The following TNS1 variants were observed in gnomAD, a reference collection of about 807,000 sequenced individuals.
The protein encoded by TNS1 is tensin 1, also known as tensin-1.
Under a neutral mutation model 168.6 loss-of-function variants are expected in TNS1, and 62 were observed. That is an observed-to-expected ratio of 0.37 (90% CI 0.30 to 0.45). The LOEUF is 0.45. Among genes scored for constraint, TNS1 ranks in the 20% least tolerant of loss-of-function variants. The pLI, the probability that TNS1 is intolerant of heterozygous loss-of-function variation, is 1.00. For missense variants in TNS1, 2,240 were observed against 2,339.4 expected (o/e 0.96, Z 0.88); for synonymous variants, 934 against 933.2 (o/e 1.00, Z -0.02).
At chr2:217,846,941 G>T (rs1251104079) in intron 19 of TNS1, among the ~76,000 whole-genome samples, 1 of 152,240 alleles carries the variant, frequency 6.6e-6, no homozygotes, top group East Asian at 1.9e-4. Context: ...AAGGGCTTGA[G>T]GATACCCTCT....
intron 1 of TNS1, among the ~76,000 whole-genome samples, chr2:218,008,703 G>A (rs1028420300): frequency 2.0e-5 from 3 of 152,222 alleles, no homozygotes; most frequent in African/African-American, 4.8e-5. Flanking sequence ...GAAGCTCAGA[G>A]GTAGCACCTG....
At chr2:217,817,555 C>G in intron 24 of TNS1, 135 bp downstream of exon 24, 1 of 715,054 alleles carries the variant, frequency 1.4e-6, no homozygotes, top group Non-Finnish European at 2.3e-6. Flanking sequence ...GATAAAGAAA[C>G]TAAGTCCCAG....
intron 3 of TNS1, among the ~76,000 whole-genome samples, chr2:217,952,984 A>G (rs893344556): frequency 2.0e-5 from 3 of 152,236 alleles, no homozygotes; most frequent in East Asian, 1.9e-4. Context: ...GAGGAGCTCA[A>G]TGACGTCAAC....
chr2:217,923,461 TC>T (rs1265158854), intron 3 of TNS1, among the ~76,000 whole-genome samples: 8 of 152,346 alleles, frequency 5.3e-5, no homozygotes, highest in East Asian at 1.9e-4. Flanking sequence ...CTGAGCGTTG[TC>T]ATTATTATCC....
chr2:217,991,117 T>C (rs903057756), intron 1 of TNS1, 61 bp from the exon 2 acceptor site: 1 of 526,054 alleles, frequency 1.9e-6, no homozygotes, highest in African/African-American at 1.9e-5. Context: ...GGGGAAGGAG[T>C]AGAGGAGCCT....
upstream of TNS1, among the ~76,000 whole-genome samples, chr2:218,006,164 CAG>C (rs1193419070): frequency 6.6e-6 from 1 of 152,258 alleles, no homozygotes; most frequent in Non-Finnish European, 1.5e-5. Flanking sequence ...GCTGAAGAAA[CAG>C]AGTCAGGTCT....
At chr2:218,027,146 C>A (rs1290891773) in intron 1 of TNS1, among the ~76,000 whole-genome samples, 1 of 152,050 alleles carries the variant, frequency 6.6e-6, no homozygotes, top group Non-Finnish European at 1.5e-5. Flanking sequence ...CTTGTTTGGC[C>A]CAGCCATGTG....
At chr2:217,940,581 C>T (rs1214123501) in intron 3 of TNS1, among the ~76,000 whole-genome samples, 1 of 152,094 alleles carries the variant, frequency 6.6e-6, no homozygotes, top group African/African-American at 2.4e-5. Context: ...TCATGTAGTC[C>T]CTGACTGGAG....
intron 4 of TNS1, among the ~76,000 whole-genome samples, chr2:217,907,553 G>A (rs1457693309): frequency 6.6e-6 from 1 of 152,226 alleles, no homozygotes; most frequent in Non-Finnish European, 1.5e-5. Context: ...AATTGGAGAG[G>A]TCAATGACTT....
intron 22 of TNS1, among the ~76,000 whole-genome samples, chr2:217,826,429 C>G (rs1943627436): frequency 6.6e-6 from 1 of 152,176 alleles, no homozygotes. Context: ...CCTCACCCAC[C>G]ACCCGTGCAC....
intron 1 of TNS1, among the ~76,000 whole-genome samples, chr2:217,996,364 G>A (rs116248723): frequency 0.013 from 1,987 of 152,234 alleles, 51 homozygotes; most frequent in African/African-American, 0.045. Flanking sequence ...AGGCTGGGAG[G>A]CCTGGTGGGC....
chr2:217,824,410 G>A (rs951937132), intron 22 of TNS1, among the ~76,000 whole-genome samples: 15 of 152,190 alleles, frequency 9.9e-5, no homozygotes, highest in African/African-American at 3.6e-4. Flanking sequence ...AGCCCATCAG[G>A]CAGAGAAAAG....
chr2:217,843,514 C>T (rs1946259867), intron 19 of TNS1, among the ~76,000 whole-genome samples: 2 of 152,158 alleles, frequency 1.3e-5, no homozygotes, highest in South Asian at 4.1e-4. Flanking sequence ...GGCTTGCTGT[C>T]TTCACTCCTT....
intron 1 of TNS1, among the ~76,000 whole-genome samples, chr2:218,029,578 G>A (rs1274040532): frequency 6.6e-6 from 1 of 152,220 alleles, no homozygotes; most frequent in Non-Finnish European, 1.5e-5. Context: ...CCAGCAATGA[G>A]AAGGAACGCT....
At chr2:217,905,406 C>T (rs1376347583) in intron 6 of TNS1, 2 of 448,040 alleles carry the variant, frequency 4.5e-6, no homozygotes, top group South Asian at 1.6e-5. Context: ...ACATGCAGGG[C>T]TGCCCCAGGG....
chr2:217,817,700 G>A lies in TNS1; in HGVS notation c.4632C>T (p.Tyr1544=). The A allele has an allele frequency of 1.9e-6, 3 of 1,595,324 alleles. No homozygotes were observed. Among genetic ancestry groups the A allele is most frequent in the Non-Finnish European group, 2.6e-6 (3 of 1,167,008 alleles). ...GGGGGAGAGGCCCACCTGGCATGGA[G>A]TACTTGGAGAAGTCGGGCAGAGTGT... ...FSHTLPDFSK[Y]SMPDNSPETR... Residue 1544 remains tyrosine (Y), a synonymous_variant, in exon 24 of 33, where the codon TAC becomes TAT. Transcript: ENST00000682258.
rs1195093827 is a variant in TNS1 at position 217,885,154 on chromosome 2, T to C, written c.1127A>G (p.Tyr376Cys). The change falls in exon 16 of 33, where the codon TAC (tyrosine) becomes TGC (cysteine). Residue 376 changes from tyrosine (Y) to cysteine (C), a missense_variant. Tyr to Cys is a radical substitution (Grantham distance 194). Around this residue, in one of 2 missense-constraint regions of TNS1, gnomAD observed 2,131 missense variants for 2,171.2 expected, o/e 0.98. Coordinates refer to ENST00000682258, the MANE Select transcript of TNS1 (RefSeq NM_001387777.1). The part of the protein sequence containing the change: ...LLKGDILLKC[Y>C]HKKFRSPARD... ...GGCTGGGCTTCGGAACTTCTTGTGG[T>C]AGCACTTCAGCTGGGTGGGAAGACG... 6.2e-7 allele frequency: 1 copy of C among 1,614,170 alleles called. No individual in the cohort carries two copies. Among genetic ancestry groups the C allele is most frequent in the Admixed American group, 1.7e-5 (1 of 60,024 alleles).
chr2:218,011,375 T>C (rs1250857944), upstream of TNS1, among the ~76,000 whole-genome samples: 1 of 151,682 alleles, frequency 6.6e-6, no homozygotes, highest in Non-Finnish European at 1.5e-5. Flanking sequence ...GGGGCACCCA[T>C]GAGCATTGCC....
At chr2:217,852,773 T>G (rs529404200) in intron 18 of TNS1, among the ~76,000 whole-genome samples, 1 of 152,168 alleles carries the variant, frequency 6.6e-6, no homozygotes, top group Non-Finnish European at 1.5e-5. Flanking sequence ...GGAACAATCA[T>G]AGCCAAGCCA....
Sources: gnomAD v4.1 joint callset for allele counts (sites outside exome capture counted in the v4.1 genomes callset) on GRCh38, gnomAD v4.1.1 for gene constraint, gnomAD v4.1.1 regional missense constraint, MANE v1.5 for transcripts, NCBI Gene and HGNC (gene_info 2026-07-23, HGNC 2026-07-21) for gene names.